The following FBXW7 variants were observed in gnomAD, a reference collection of about 807,000 sequenced individuals.
FBXW7 encodes the protein F-box/WD repeat-containing protein 7.
Under a neutral mutation model 86.3 loss-of-function variants are expected in FBXW7, and 11 were observed. That is an observed-to-expected ratio of 0.13 (90% CI 0.08 to 0.21). The LOEUF (loss-of-function observed/expected upper bound fraction) is 0.21. Among genes scored for constraint, FBXW7 ranks in the 10% least tolerant of loss-of-function variants. The pLI, the probability that FBXW7 is intolerant of heterozygous loss-of-function variation, is 1.00. For missense variants in FBXW7, 488 were observed against 847.4 expected (o/e 0.58, Z 5.27); for synonymous variants, 313 against 297.9 (o/e 1.05, Z -0.52).
At chr4:152,382,266 G>A in intron 4 of FBXW7, 2 of 1,605,212 alleles carry the variant, frequency 1.2e-6, no homozygotes, top group Non-Finnish European at 1.7e-6. Context: ...TGTGGTAGAG[G>A]CTCTTTTGCA....
chr4:152,354,762 A>G (rs1732207506), intron 4 of FBXW7, among the ~76,000 whole-genome samples: 1 of 152,114 alleles, frequency 6.6e-6, no homozygotes, highest in Non-Finnish European at 1.5e-5. Flanking sequence ...TGTTCCCTAC[A>G]AATATTGTTT....
intron 2 of FBXW7, among the ~76,000 whole-genome samples, chr4:152,534,465 A>T (rs1278483223): frequency 6.6e-6 from 1 of 152,108 alleles, no homozygotes; most frequent in Non-Finnish European, 1.5e-5. Flanking sequence ...ACTGAAATGA[A>T]CCTCTCTCAA....
intron 2 of FBXW7, among the ~76,000 whole-genome samples, chr4:152,470,782 T>C (rs1271103611): frequency 2.0e-5 from 3 of 152,128 alleles, no homozygotes; most frequent in Admixed American, 2.0e-4. Context: ...AAAAAGCATA[T>C]ACATACATTT....
In FBXW7 at chr4:152,350,109, C is replaced by A; in HGVS notation, c.517G>T (p.Asp173Tyr). Residue 173 changes from aspartate to tyrosine, a missense_variant, in exon 5 of 14, where the codon GAC becomes TAC. Coordinates refer to ENST00000281708, the MANE Select transcript of FBXW7 (RefSeq NM_001349798.2). ...AAAGAGCGGACCTCAGAACCATGGT[C>A]CAACTTTCTTTTCATCTATAAGGTA... ...TKTTKMKRKL[D>Y]HGSEVRSFSL... 6.4e-7 allele frequency: 1 copy of A among 1,555,752 alleles called. No individual in the cohort carries two copies.
chr4:152,459,640 A>AC (rs1455120248), intron 2 of FBXW7, among the ~76,000 whole-genome samples: 1 of 151,936 alleles, frequency 6.6e-6, no homozygotes, highest in African/African-American at 2.4e-5. Context: ...TATGTTCCAG[A>AC]CCCCCCAGTG....
At chr4:152,375,342 A>AT in intron 4 of FBXW7, among the ~76,000 whole-genome samples, 1 of 152,272 alleles carries the variant, frequency 6.6e-6, no homozygotes, top group East Asian at 1.9e-4. Flanking sequence ...TGAGACAACC[A>AT]TAAGACTCTC....
chr4:152,432,277 C>T lies in FBXW7; in HGVS notation c.-119-19748G>A, dbSNP rs148584153. 1.5e-4 allele frequency among the ~76,000 whole-genome samples: 23 copies of T among 152,176 alleles called. No individual in the cohort carries two copies. The East Asian group carries it at 4.1e-3, about 27-fold the overall frequency. ...CTAGGCCTCTGTCCTAGCTTTCTAACGTGAGCATACCTGATATTAGAACAG... is the reference window on the plus strand; with the variant it reads ...CTAGGCCTCTGTCCTAGCTTTCTAATGTGAGCATACCTGATATTAGAACAG... On this transcript the variant is annotated intron_variant, in intron 2 of 13. Coordinates refer to ENST00000281708, the MANE Select transcript of FBXW7 (RefSeq NM_001349798.2).
intron 4 of FBXW7, among the ~76,000 whole-genome samples, chr4:152,354,890 C>A (rs965657023): frequency 2.6e-5 from 4 of 152,102 alleles, no homozygotes; most frequent in Admixed American, 6.5e-5. Flanking sequence ...ACATATCCTC[C>A]ATCTACCATG....
intron 2 of FBXW7, among the ~76,000 whole-genome samples, chr4:152,473,776 TTATC>T (rs1744165233): frequency 6.6e-6 from 1 of 152,186 alleles, no homozygotes; most frequent in Non-Finnish European, 1.5e-5. Context: ...ATTCAGATAC[TTATC>T]TTTCTAAATG....
chr4:152,405,185 G>A (rs1203159349), intron 4 of FBXW7, among the ~76,000 whole-genome samples: 1 of 149,922 alleles, frequency 6.7e-6, no homozygotes, highest in African/African-American at 2.5e-5. Flanking sequence ...AATTAGGACT[G>A]AAAACAAATT....
chr4:152,432,365 C>T (rs1263595542), intron 2 of FBXW7, among the ~76,000 whole-genome samples: 1 of 152,198 alleles, frequency 6.6e-6, no homozygotes, highest in African/African-American at 2.4e-5. Flanking sequence ...ATGGAACAGA[C>T]TCACAGTAGG....
At chr4:152,409,623 A>C (rs1737743459) in intron 4 of FBXW7, among the ~76,000 whole-genome samples, 2 of 152,168 alleles carry the variant, frequency 1.3e-5, no homozygotes, top group South Asian at 4.1e-4. Context: ...TGGCAATCAA[A>C]TAGCTTTGTA....
At chr4:152,389,400 TAC>T (rs1356591039) in intron 4 of FBXW7, among the ~76,000 whole-genome samples, 1 of 151,928 alleles carries the variant, frequency 6.6e-6, no homozygotes. Flanking sequence ...TATATATGTT[TAC>T]ACACACACAC....
chr4:152,322,249 G>A lies in FBXW7; in HGVS notation c.*632C>T, dbSNP rs1184827859. 15 of 208,312 alleles carry A rather than the reference G, an allele frequency of 7.2e-5. No homozygotes were observed. In the East Asian group the frequency reaches 8.2e-4, roughly 11 times the overall value. The allele number at this position is 208,312 out of a possible 1,614,324, so 12.9% of individuals were successfully genotyped here. On this transcript the variant is annotated 3_prime_UTR_variant, in exon 14 of 14. Coordinates refer to ENST00000281708, the MANE Select transcript of FBXW7 (RefSeq NM_001349798.2). ...ACCTTTGAGCAACATATGCATTGAA[G>A]AATGTATATGGAAGCAACAGTAAAT...
At chr4:152,489,383 A>C (rs773932348) in intron 2 of FBXW7, 1 of 153,156 alleles carries the variant, frequency 6.5e-6, no homozygotes, top group Non-Finnish European at 1.5e-5. Context: ...TTCAGAATAC[A>C]TAAAGCTTTT....
chr4:152,522,497 T>TACA (rs1475222182), intron 2 of FBXW7, among the ~76,000 whole-genome samples: 1 of 152,208 alleles, frequency 6.6e-6, no homozygotes, highest in Non-Finnish European at 1.5e-5. Flanking sequence ...AAGTACCTTA[T>TACA]ACAAAGGAAC....
intron 2 of FBXW7, among the ~76,000 whole-genome samples, chr4:152,414,251 A>G (rs1221766205): frequency 6.6e-6 from 1 of 152,148 alleles, no homozygotes; most frequent in African/African-American, 2.4e-5. Flanking sequence ...ACTTCGGAAC[A>G]TTAAACAGAA....
intron 2 of FBXW7, among the ~76,000 whole-genome samples, chr4:152,497,321 C>CAA (rs55764450): frequency 0.019 from 1,006 of 51,666 alleles, 84 homozygotes; most frequent in Middle Eastern, 0.05. Flanking sequence ...GACTCCATCT[C>CAA]AAAAAAAAAA....
chr4:152,515,748 ACT>A (rs1282713145), intron 2 of FBXW7, among the ~76,000 whole-genome samples: 4 of 146,324 alleles, frequency 2.7e-5, no homozygotes, highest in Admixed American at 6.8e-5. Context: ...AATAACCACA[ACT>A]CTCTTTTTTT....
Sources: allele counts gnomAD v4.1 joint callset (sites outside exome capture counted in the v4.1 genomes callset), GRCh38; gene constraint gnomAD v4.1.1; transcripts MANE v1.5; gene names NCBI Gene and HGNC (gene_info 2026-07-23, HGNC 2026-07-21).